The following FREM1 variants were observed in gnomAD, a reference collection of about 807,000 sequenced individuals.
FREM1 encodes the protein FRAS1 related extracellular matrix 1.
FREM1 carries 220 observed loss-of-function variants against 210.1 expected under a neutral mutation model. That is an observed-to-expected ratio of 1.05 (90% CI 0.94 to 1.17). FREM1 has a LOEUF of 1.17. FREM1 is among the 50% of genes most tolerant of loss of function. The pLI is 0.00. For synonymous variants in FREM1, 1,189 were observed against 980.2 expected (o/e 1.21, Z -3.98); for missense variants, 3,454 against 2,675.5 (o/e 1.29, Z -6.42).
chr9:14,791,289 C>T (rs1851267778), intron 22 of FREM1: 1 of 152,196 alleles, frequency 6.6e-6, no homozygotes, highest in African/African-American at 2.4e-5. Context: ...TTTATCAAAT[C>T]ACAGAGCAAG....
intron 24 of FREM1, among the ~76,000 whole-genome samples, chr9:14,782,524 T>G (rs1316432792): frequency 6.6e-6 from 1 of 152,174 alleles, no homozygotes; most frequent in African/African-American, 2.4e-5. Flanking sequence ...GTTCCAGAAA[T>G]GCATGTAAAA....
rs192382800 is a variant in FREM1, at chr9:14,861,325, A to G, written c.330-1841T>C. Among the ~76,000 whole-genome samples, 295 of 126,216 alleles carry G rather than the reference A, an allele frequency of 2.3e-3. 7 individuals carry two copies. Among genetic ancestry groups the G allele is most frequent in the African/African-American group, 9.2e-3 (266 of 28,772 alleles). The allele number at this position is 126,216 out of a possible 152,430, so 82.8% of individuals were successfully genotyped here. On this transcript the variant is annotated intron_variant, in intron 3 of 36. Transcript: ENST00000380880. Reference sequence around the variant, plus strand: ...TACACATATATACATATATACACATATATACATATATACACATATATATAC... The same window carrying G: ...TACACATATATACATATATACACATGTATACATATATACACATATATATAC...
intron 24 of FREM1, among the ~76,000 whole-genome samples, chr9:14,778,703 G>T (rs1346900171): frequency 1.4e-5 from 1 of 69,120 alleles, no homozygotes; most frequent in Non-Finnish European, 3.5e-5. Flanking sequence ...GGGAAGGGAA[G>T]GGAAGGGAAG....
chr9:14,893,631 T>C (rs908368154), intron 1 of FREM1, among the ~76,000 whole-genome samples: 1 of 152,058 alleles, frequency 6.6e-6, no homozygotes, highest in African/African-American at 2.4e-5. Flanking sequence ...AAGTAAAAAG[T>C]GTAATGCCTT....
At position 14,857,588 on chromosome 9, in the gene FREM1, C is replaced by A; in HGVS notation, c.793G>T (p.Asp265Tyr). Residue 265 changes from aspartate to tyrosine, a missense_variant, in exon 5 of 37, where the codon GAC becomes TAC. Transcript: ENST00000380880. ...ATTTTGCTCCTGGTATCTGTGAGGT[C>A]CAGTTGGATGGAGATATAATCAATG... ...PNIDYISIQLDLTDTRSKIVY... is the reference protein window; with the variant it reads ...PNIDYISIQLYLTDTRSKIVY... 6.2e-7 allele frequency: 1 copy of A among 1,613,706 alleles called. No individual in the cohort carries two copies. The highest frequency in any genetic ancestry group is 8.5e-7 in the Non-Finnish European group (1 of 1,179,846).
chr9:14,782,962 T>C (rs913767541), intron 24 of FREM1, among the ~76,000 whole-genome samples: 4 of 152,212 alleles, frequency 2.6e-5, no homozygotes, highest in Non-Finnish European at 5.9e-5. Context: ...TTAACTTCAC[T>C]ACTCCATCTC....
intron 13 of FREM1, 60 bp from the exon 14 acceptor site, chr9:14,819,502 G>A: frequency 1.0e-6 from 1 of 993,438 alleles, no homozygotes; most frequent in Non-Finnish European, 1.5e-6. Context: ...TGAAGACAGA[G>A]CTCATTACAT....
At chr9:14,854,705 G>A (rs532043448) in intron 5 of FREM1, among the ~76,000 whole-genome samples, 2 of 151,950 alleles carry the variant, frequency 1.3e-5, no homozygotes, top group Non-Finnish European at 2.9e-5. Flanking sequence ...TAAAATAATT[G>A]AATTCAGGAA....
rs765948223 is a variant in FREM1, at chr9:14,789,126, C to T, written c.3982-12G>A. On this transcript the variant is annotated splice_polypyrimidine_tract_variant and intron_variant, in intron 22 of 36. Transcript: ENST00000380880. Reference sequence around the variant, plus strand: ...CAGTCCCTCCCTATCTGGAAGGAGCCAGAGTTAGTCAGCTGCTCATGGTTT... The same window carrying T: ...CAGTCCCTCCCTATCTGGAAGGAGCTAGAGTTAGTCAGCTGCTCATGGTTT... The T allele has an allele frequency of 6.7e-5, 103 of 1,543,878 alleles. No individual in the cohort carries two copies. The highest frequency in any genetic ancestry group is 8.0e-5 in the Non-Finnish European group (91 of 1,139,504).
chr9:14,747,151 T>C (rs1304259625), intron 33 of FREM1, 100 bp from the exon 34 acceptor site: 12 of 1,586,446 alleles, frequency 7.6e-6, no homozygotes, highest in Middle Eastern at 3.3e-4. Context: ...GAAGCATTTG[T>C]GTTGGGTAAA....
rs1181412479 is a variant in FREM1 at position 14,759,778 on chromosome 9, A to G, written c.5328T>C (p.Gly1776=). The change falls in exon 28 of 37, where the codon GGT becomes GGC. Residue 1776 remains glycine, a synonymous_variant. Transcript: ENST00000380880. Reference sequence around the variant, plus strand: ...TACATTTCAGAGTCATTACCTTTATACCCACAAAGGCCGAGTCCATGGAAT... The same window carrying G: ...TACATTTCAGAGTCATTACCTTTATGCCCACAAAGGCCGAGTCCATGGAAT... ...RGYSMDSAFV[G]IKVNQVSAAV... 3 of 1,606,160 alleles carry G rather than the reference A, an allele frequency of 1.9e-6. No homozygotes were observed. Among genetic ancestry groups the G allele is most frequent in the Non-Finnish European group, 2.6e-6 (3 of 1,175,718 alleles).
chr9:14,757,994 A>G (rs1051114594), intron 28 of FREM1, among the ~76,000 whole-genome samples: 3 of 152,164 alleles, frequency 2.0e-5, no homozygotes, highest in Non-Finnish European at 4.4e-5. Context: ...ATTACCTAGT[A>G]TTTACTACCA....
intron 35 of FREM1, among the ~76,000 whole-genome samples, chr9:14,741,638 G>T (rs1841596063): frequency 1.3e-5 from 2 of 152,160 alleles, no homozygotes; most frequent in Admixed American, 1.3e-4. Flanking sequence ...TTAAATATAA[G>T]CTGAGGGAGG....
intron 24 of FREM1, among the ~76,000 whole-genome samples, chr9:14,782,163 C>G (rs536393695): frequency 6.6e-6 from 1 of 152,352 alleles, no homozygotes; most frequent in East Asian, 1.9e-4. Context: ...AGTTGCCTCT[C>G]TGGGGTAAGG....
chr9:14,757,234 A>C (rs1385800990), intron 28 of FREM1, among the ~76,000 whole-genome samples: 1 of 152,196 alleles, frequency 6.6e-6, no homozygotes, highest in African/African-American at 2.4e-5. Flanking sequence ...CTTGAATTCC[A>C]CCCAAAGGGT....
At chr9:14,837,067 G>A (rs111746915) in intron 10 of FREM1, among the ~76,000 whole-genome samples, 5,530 of 152,258 alleles carry the variant, frequency 0.036, 363 homozygotes, top group African/African-American at 0.12. Flanking sequence ...CCAACATGGC[G>A]ATTCCCTTGG....
chr9:14,873,671 G>C, intron 1 of FREM1, among the ~76,000 whole-genome samples: 1 of 152,040 alleles, frequency 6.6e-6, no homozygotes, highest in East Asian at 1.9e-4. Flanking sequence ...ATTTCCTTCA[G>C]TTCTGCTCTG....
intron 1 of FREM1, among the ~76,000 whole-genome samples, chr9:14,878,136 G>A (rs1834115312): frequency 6.6e-6 from 1 of 152,098 alleles, no homozygotes; most frequent in Non-Finnish European, 1.5e-5. Context: ...TCACTGCTCT[G>A]CTCAAAACTT....
At chr9:14,765,150 T>C (rs1021135893) in intron 27 of FREM1, among the ~76,000 whole-genome samples, 1 of 152,100 alleles carries the variant, frequency 6.6e-6, no homozygotes, top group Non-Finnish European at 1.5e-5. Context: ...CTGAAAATGT[T>C]AAAAAAATAT....
Sources: gnomAD v4.1 joint callset for allele counts (sites outside exome capture counted in the v4.1 genomes callset) on GRCh38, gnomAD v4.1.1 for gene constraint, MANE v1.5 for transcripts, NCBI Gene and HGNC (gene_info 2026-07-23, HGNC 2026-07-21) for gene names.